CFAP74: variants seen among roughly 807,000 people sequenced by gnomAD.
CFAP74 encodes the protein cilia and flagella associated protein 74, also known as cilia- and flagella-associated protein 74.
CFAP74 carries 124 observed loss-of-function variants against 188.9 expected under a neutral mutation model. The ratio of observed to expected loss-of-function variants is 0.66; its 90% CI spans 0.57 to 0.76. The LOEUF (loss-of-function observed/expected upper bound fraction) is 0.76. Among genes scored for constraint, CFAP74 ranks in the 30% least tolerant of loss-of-function variants. The pLI is 0.00. For missense variants in CFAP74, 2,198 were observed against 2,165.2 expected (o/e 1.02, Z -0.30); for synonymous variants, 956 against 916.7 (o/e 1.04, Z -0.77).
intron 14 of CFAP74, among the ~76,000 whole-genome samples, chr1:1,960,300 C>T (rs1026720419): frequency 4.6e-5 from 7 of 152,248 alleles, no homozygotes; most frequent in Non-Finnish European, 1.0e-4. Flanking sequence ...AGTCCCCAGG[C>T]CAACTGCCAG....
intron 25 of CFAP74, among the ~76,000 whole-genome samples, chr1:1,934,650 AGGCTGTAGGTACACACGTGTGTACG>A (rs1652711811): frequency 4.8e-5 from 6 of 124,192 alleles, no homozygotes; most frequent in South Asian, 5.3e-4. Flanking sequence ...CGTGGGTGTT[AGGCTGTAGGTACACACGTGTGTACG>A]TGGGTGTTAG....
chr1:1,954,569 G>C (rs1278228873), intron 18 of CFAP74: 2 of 163,328 alleles, frequency 1.2e-5, no homozygotes, highest in Admixed American at 1.3e-4. Context: ...GACAGCCTGA[G>C]TTCAGGAGTT....
At chr1:1,944,489 C>G (rs1191521322) in intron 20 of CFAP74, 37 bp from the exon 21 acceptor site, 2 of 1,530,450 alleles carry the variant, frequency 1.3e-6, no homozygotes, top group South Asian at 2.4e-5. Context: ...ACAGGAGTTC[C>G]TTGGGCACAG....
intron 20 of CFAP74, 64 bp downstream of exon 20, chr1:1,946,253 G>A: frequency 6.8e-7 from 1 of 1,465,852 alleles, no homozygotes; most frequent in Non-Finnish European, 9.0e-7. Flanking sequence ...AAGGGCAGCT[G>A]CCACATGAGG....
chr1:1,955,424 T>G, intron 18 of CFAP74: 2 of 1,477,020 alleles, frequency 1.4e-6, no homozygotes, highest in South Asian at 2.3e-5. Flanking sequence ...CCTGTGCGGC[T>G]CCGCCCGTGC....
At chr1:1,940,203 A>G (rs1245616578) in intron 23 of CFAP74, 113 bp downstream of exon 23, 2 of 815,198 alleles carry the variant, frequency 2.5e-6, no homozygotes, top group East Asian at 2.7e-5. Context: ...CTGGAAGGCA[A>G]GTGAGGATGA....
intron 12 of CFAP74, among the ~76,000 whole-genome samples, 163 bp from the exon 13 acceptor site, chr1:1,965,224 TG>T (rs1335371644): frequency 6.6e-6 from 1 of 150,396 alleles, no homozygotes; most frequent in Non-Finnish European, 1.5e-5. Flanking sequence ...CCCGGGGAGT[TG>T]CTCTGAGTTG....
Position 1,944,459 on chromosome 1 carries a change from A to G in CFAP74, c.2365-7T>C. 2.6e-6 allele frequency: 4 copies of G among 1,535,918 alleles called. No individual in the cohort carries two copies. The highest frequency in any genetic ancestry group is 2.4e-5 in the East Asian group (1 of 40,914). On this transcript the variant is annotated splice_polypyrimidine_tract_variant and splice_region_variant and intron_variant, in intron 20 of 38. Coordinates refer to ENST00000682832, the MANE Select transcript of CFAP74 (RefSeq NM_001304360.2). ...CCACGACCCTGAAATGCAGCTGCATATGGACACAGGAGCTCAGCAACAGGA... is the reference window on the plus strand; with the variant it reads ...CCACGACCCTGAAATGCAGCTGCATGTGGACACAGGAGCTCAGCAACAGGA...
At chr1:1,981,693 A>G (rs1158910581) in intron 6 of CFAP74, among the ~76,000 whole-genome samples, 26 of 111,926 alleles carry the variant, frequency 2.3e-4, no homozygotes, top group South Asian at 3.4e-4. Flanking sequence ...GCGGACAGAC[A>G]CGGGGGCACG....
Position 1,926,251 on chromosome 1 carries a change from A to G in CFAP74, c.3925T>C (p.Phe1309Leu). Residue 1309 changes from phenylalanine to leucine, a missense_variant, in exon 32 of 39, where the codon TTC becomes CTC. Transcript: ENST00000682832. ...ACCAGGATGCTCTCGTGGGGAGAGA[A>G]GGAAAGCACCAGGACCTGGGTCCCA... ...AGGTQVLVLSFSPHESILAQE... is the reference protein window; with the variant it reads ...AGGTQVLVLSLSPHESILAQE... 6.6e-7 allele frequency: 1 copy of G among 1,524,844 alleles called. No homozygotes were observed. The highest frequency in any genetic ancestry group is 2.5e-5 in the East Asian group (1 of 40,652). 94.5% of individuals were successfully genotyped at this position (1,524,844 alleles called of 1,614,324 possible).
rs753946860 is a variant in CFAP74 at position 1,988,613 on chromosome 1, C to G, written c.195G>C (p.Lys65Asn). ...CCTGCGTTCTGTCCTCAGCTGTTTT[C>G]TTCTTCAATTTATCAGCATCAGTAT... ...ELDTDADKLK[K>N]KTAEDRTQAF... Residue 65 changes from lysine to asparagine, a missense_variant, in exon 4 of 39, where the codon AAG becomes AAC. Lys to Asn is a moderately conservative substitution (Grantham distance 94). Transcript: ENST00000682832. The G allele has an allele frequency of 5.6e-6, 9 of 1,612,372 alleles. No individual in the cohort carries two copies. In the South Asian group the frequency reaches 7.7e-5, roughly 14 times the overall value.
At chr1:1,988,818 A>AACCCCCCCCCCCCCCCCCCCCCCCCCC in intron 3 of CFAP74, 71 bp downstream of exon 3, 1 of 263,642 alleles carries the variant, frequency 3.8e-6, no homozygotes. Flanking sequence ...CGCTCCCTTC[A>AACCCCCCCCCCCCCCCCCCCCCCCCCC]CCCACCCCCC....
intron 25 of CFAP74, among the ~76,000 whole-genome samples, chr1:1,932,098 A>AAAC (rs1400948263): frequency 9.7e-5 from 12 of 123,406 alleles, no homozygotes; most frequent in African/African-American, 3.3e-4. Flanking sequence ...AAAAAACAAA[A>AAAC]AACTTAGAAA....
intron 25 of CFAP74, among the ~76,000 whole-genome samples, chr1:1,938,002 A>T (rs1194900979): frequency 2.0e-5 from 3 of 151,968 alleles, no homozygotes; most frequent in Admixed American, 6.6e-5. Flanking sequence ...TCAAGCACTC[A>T]CACATACAAG....
intron 18 of CFAP74, among the ~76,000 whole-genome samples, chr1:1,949,130 TCCCTCCCTCCCTCC>T (rs1654044026): frequency 6.2e-5 from 2 of 32,474 alleles, no homozygotes; most frequent in African/African-American, 1.2e-4. Flanking sequence ...TTCCCTTCCC[TCCCTCCCTCCCTCC>T]CTTCCTTCCC....
At chr1:1,998,259 C>T (rs1016183955) in intron 1 of CFAP74, among the ~76,000 whole-genome samples, 18 of 152,092 alleles carry the variant, frequency 1.2e-4, no homozygotes, top group South Asian at 2.1e-4. Context: ...GCCTGGGTGA[C>T]AGAGCGAGAC....
rs763782054 is a variant in CFAP74 at position 1,923,548 on chromosome 1, G to A, written c.4390-49C>T. Reference sequence around the variant, plus strand: ...CTTGTCCCCGAAGCTCGGCGGCAGGGGTCCTGCTGGTGAGAGCTGGGCTGG... The same window carrying A: ...CTTGTCCCCGAAGCTCGGCGGCAGGAGTCCTGCTGGTGAGAGCTGGGCTGG... On this transcript the variant is annotated intron_variant, in intron 35 of 38. Coordinates refer to ENST00000682832, the MANE Select transcript of CFAP74 (RefSeq NM_001304360.2). The surrounding 1 kb of genome is among the most constrained non-coding windows in gnomAD (Gnocchi z 6.3). 3.1e-6 allele frequency: 5 copies of A among 1,588,356 alleles called. No individual in the cohort carries two copies. In the East Asian group the frequency reaches 6.8e-5, roughly 21 times the overall value.
At chr1:1,959,418 G>A (rs371114071) in intron 15 of CFAP74, among the ~76,000 whole-genome samples, 71 of 150,478 alleles carry the variant, frequency 4.7e-4, no homozygotes, top group East Asian at 4.0e-3. Context: ...ACAGGCATGC[G>A]CCACCATATC....
At chr1:1,971,044 C>T (rs915528176) in intron 9 of CFAP74, among the ~76,000 whole-genome samples, 11 of 149,324 alleles carry the variant, frequency 7.4e-5, no homozygotes, top group Non-Finnish European at 1.2e-4. Context: ...CCTGCACACA[C>T]GTGCACACAC....
Sources: gnomAD v4.1 joint callset for allele counts (sites outside exome capture counted in the v4.1 genomes callset) on GRCh38, gnomAD v4.1.1 for gene constraint, Gnocchi (gnomAD v3.1) non-coding constraint, MANE v1.5 for transcripts, NCBI Gene and HGNC (gene_info 2026-07-23, HGNC 2026-07-21) for gene names.